ZP4: variants seen among roughly 807,000 people sequenced by gnomAD.
The protein encoded by ZP4 is zona pellucida glycoprotein 4, also known as zona pellucida sperm-binding protein 4.
ZP4 carries 62 observed loss-of-function variants against 62.3 expected under a neutral mutation model. The ratio of observed to expected loss-of-function variants is 0.99; its 90% CI spans 0.81 to 1.23. The LOEUF is 1.23. ZP4 is among the 50% of genes most tolerant of loss of function. The pLI is 0.00. For missense variants in ZP4, 774 were observed against 656.0 expected (o/e 1.18, Z -1.97); for synonymous variants, 289 against 247.3 (o/e 1.17, Z -1.58).
Position 237,884,001 on chromosome 1 carries a change from C to CAA in ZP4, c.1390+767_1390+768insTT, listed in dbSNP as rs1238466144. 1.5e-3 allele frequency among the ~76,000 whole-genome samples: 124 copies of CAA among 85,366 alleles called. 2 individuals carry two copies. The highest frequency in any genetic ancestry group is 5.2e-3 in the African/African-American group (103 of 19,702). 56.0% of individuals were successfully genotyped at this position (85,366 alleles called of 152,430 possible). A position where few individuals can be genotyped will look rare whatever the true frequency, so the allele number is the denominator to read the frequency against. ...ACACACAAACACACACACACACACA[C>CAA]ACACACACACACACAAACACACACA... On this transcript the variant is annotated intron_variant, in intron 10 of 11. Coordinates refer to ENST00000366570, the MANE Select transcript of ZP4 (RefSeq NM_021186.5).
chr1:237,882,486 G>C lies in ZP4; in HGVS notation c.1559C>G (p.Ala520Gly), dbSNP rs773579728. The change falls in exon 12 of 12, where the codon GCC (alanine) becomes GGC (glycine). Residue 520 changes from alanine to glycine, a missense_variant. Physicochemically the swap from Ala to Gly is moderately conservative, Grantham distance 60. Transcript: ENST00000366570. ...AGLSGTLILGALLVSYLAVKK... is the reference protein window; with the variant it reads ...AGLSGTLILGGLLVSYLAVKK... The stretch of plus-strand genomic sequence containing the variant: ...GACAGCCAAGTAGGATACTAACAAG[G>C]CTCCAAGGATTAAGGTCCCAGAAAG... 3.1e-6 allele frequency: 5 copies of C among 1,609,910 alleles called. No homozygotes were observed. In the South Asian group the frequency reaches 4.4e-5, roughly 14 times the overall value.
rs774784287 is a variant in ZP4, at chr1:237,887,565, A to T, written c.554-4T>A. 2 of 1,613,146 alleles carry T rather than the reference A, an allele frequency of 1.2e-6. No homozygotes were observed. The highest frequency in any genetic ancestry group is 2.2e-5 in the South Asian group (2 of 90,892). Reference sequence around the variant, plus strand: ...TCTCGGGTACAATGCAAGGTCACTGAAACAGAGCAGCTGTGCTGAAGGCAG... The same window carrying T: ...TCTCGGGTACAATGCAAGGTCACTGTAACAGAGCAGCTGTGCTGAAGGCAG... On this transcript the variant is annotated splice_polypyrimidine_tract_variant and splice_region_variant and intron_variant, in intron 4 of 11. Coordinates refer to ENST00000366570, the MANE Select transcript of ZP4 (RefSeq NM_021186.5).
Position 237,885,548 on chromosome 1 carries a change from C to A in ZP4, c.1003G>T (p.Asp335Tyr). ...KNYGSYYGVG[D>Y]YPVVKLLRDP... The stretch of plus-strand genomic sequence containing the variant: ...CGAAGCAACTTCACCACTGGGTAGT[C>A]ACCAACACCGTAGTAAGAGCCATAG... The change falls in exon 8 of 12, where the codon GAC becomes TAC. Residue 335 changes from aspartate (D) to tyrosine (Y), a missense_variant. By Grantham distance (160) the Asp-to-Tyr change is radical. Transcript: ENST00000366570. The A allele has an allele frequency of 6.2e-7, 1 of 1,614,046 alleles. No homozygotes were observed. Among genetic ancestry groups the A allele is most frequent in the Non-Finnish European group, 8.5e-7 (1 of 1,179,982 alleles).
At chr1:237,889,643 T>C (rs1665190272) in intron 3 of ZP4, among the ~76,000 whole-genome samples, 1 of 152,040 alleles carries the variant, frequency 6.6e-6, no homozygotes, top group Non-Finnish European at 1.5e-5. Flanking sequence ...TATGTTAGGG[T>C]TAGGGAAGGT....
At chr1:237,888,708 T>C (rs1665167794) in intron 3 of ZP4, among the ~76,000 whole-genome samples, 198 bp from the exon 4 acceptor site, 1 of 152,222 alleles carries the variant, frequency 6.6e-6, no homozygotes. Context: ...TTAAGTCACC[T>C]TGTAAGAGTG....
Position 237,886,809 on chromosome 1 carries a change from A to G in ZP4, c.801T>C (p.Asn267=), listed in dbSNP as rs1571933537. ...NELVATRDVK[N]GSRGSVTRDS... is the part of the protein sequence containing the mutation. ...CACGAGTGACAGAGCCACGGCTCCC[A>G]TTTTTCACATCCCTAGTTGCCACCA... The change falls in exon 6 of 12, where the codon AAT becomes AAC. Residue 267 remains asparagine (N), a synonymous_variant. Transcript: ENST00000366570. The G allele has an allele frequency of 4.3e-6, 7 of 1,613,834 alleles. No homozygotes were observed. Among genetic ancestry groups the G allele is most frequent in the Middle Eastern group, 1.6e-4 (1 of 6,080 alleles).
intron 10 of ZP4, among the ~76,000 whole-genome samples, chr1:237,883,999 C>CACACAA (rs1665019677): frequency 3.3e-4 from 28 of 85,070 alleles, no homozygotes; most frequent in African/African-American, 1.5e-3. Flanking sequence ...CACACACACA[C>CACACAA]ACACACACAC....
At chr1:237,886,406 C>T (rs1313535965) in intron 6 of ZP4, among the ~76,000 whole-genome samples, 1 of 151,108 alleles carries the variant, frequency 6.6e-6, no homozygotes, top group Non-Finnish European at 1.5e-5. Flanking sequence ...TTGTCCATGG[C>T]TTTAAGGTGT....
chr1:237,889,766 T>A lies in ZP4; in HGVS notation c.400+101A>T, dbSNP rs987586818. 7 of 983,224 alleles carry A rather than the reference T, an allele frequency of 7.1e-6. No homozygotes were observed. The African/African-American group carries it at 1.1e-4, about 16-fold the overall frequency. The allele number at this position is 983,224 out of a possible 1,614,324, so 60.9% of individuals were successfully genotyped here. On this transcript the variant is annotated intron_variant, in intron 3 of 11. Transcript: ENST00000366570. ...TGGGACATGATCCTTCCTTCATTAG[T>A]GTCAGGTGTCACTGCACAGAGCAGG... is the stretch of plus-strand genomic sequence containing the variant.
At chr1:237,888,060 C>T (rs184463530) in intron 4 of ZP4, among the ~76,000 whole-genome samples, 4 of 152,326 alleles carry the variant, frequency 2.6e-5, no homozygotes, top group East Asian at 1.9e-4. Flanking sequence ...CTAAACAATC[C>T]AAGACCATCA....
In ZP4 at chr1:237,890,048, TACTC is replaced by T. The variant is rs1411723149; in HGVS notation, c.297+3_297+6del. 2.2e-5 allele frequency: 35 copies of T among 1,614,140 alleles called. No individual in the cohort carries two copies. The highest frequency in any genetic ancestry group is 2.7e-5 in the Non-Finnish European group (32 of 1,180,024). Reference sequence around the variant, plus strand: ...CACAGTCTCCCTGGCCATTGGGTCATACTCACCCACTCAGTGACATAGCAGCTGC... The same window carrying T: ...CACAGTCTCCCTGGCCATTGGGTCATACCCACTCAGTGACATAGCAGCTGC... On this transcript the variant is annotated splice_donor_5th_base_variant and intron_variant, in intron 2 of 11. Transcript: ENST00000366570.
At position 237,886,831 on chromosome 1, in the gene ZP4, A is replaced by T; in HGVS notation, c.779T>A (p.Val260Glu). The T allele has an allele frequency of 6.2e-7, 1 of 1,614,082 alleles. No homozygotes were observed. Among genetic ancestry groups the T allele is most frequent in the Non-Finnish European group, 8.5e-7 (1 of 1,179,998 alleles). ...GDRAVYENELVATRDVKNGSR... is the reference protein window; with the variant it reads ...GDRAVYENELEATRDVKNGSR... Reference sequence around the variant, plus strand: ...CCCATTTTTCACATCCCTAGTTGCCACCAGTTCATTTTCATATACTGCTCG... The same window carrying T: ...CCCATTTTTCACATCCCTAGTTGCCTCCAGTTCATTTTCATATACTGCTCG... Residue 260 changes from valine (V) to glutamate (E), a missense_variant, in exon 6 of 12, where the codon GTG becomes GAG. Coordinates refer to ENST00000366570, the MANE Select transcript of ZP4 (RefSeq NM_021186.5).
chr1:237,888,625 G>GACACCT, intron 3 of ZP4, 115 bp from the exon 4 acceptor site: 1 of 998,278 alleles, frequency 1.0e-6, no homozygotes, highest in Non-Finnish European at 1.4e-6. Context: ...GATTGAAATA[G>GACACCT]GTGTCTACTC....
At chr1:237,885,069 AG>A (rs1252881933) in intron 9 of ZP4, 95 bp downstream of exon 9, 33 of 1,521,966 alleles carry the variant, frequency 2.2e-5, no homozygotes, top group Non-Finnish European at 2.9e-5. Context: ...CCAGCATTAA[AG>A]GGCTTCCTTG....
chr1:237,889,309 G>A (rs980279544), intron 3 of ZP4, among the ~76,000 whole-genome samples: 5 of 145,084 alleles, frequency 3.4e-5, no homozygotes, highest in South Asian at 2.1e-4. Context: ...GCAAGAGATA[G>A]GTTGTATTTT....
chr1:237,887,971 C>A (rs1475450072), intron 4 of ZP4, among the ~76,000 whole-genome samples: 7 of 152,212 alleles, frequency 4.6e-5, no homozygotes, highest in Admixed American at 2.6e-4. Context: ...TATACATACT[C>A]TGAGGTCAAG....
rs146687240 is a variant in ZP4 at position 237,887,310 on chromosome 1, C to T, written c.741+64G>A. 305 of 1,562,190 alleles carry T rather than the reference C, an allele frequency of 2.0e-4. No individual in the cohort carries two copies. In the African/African-American group the frequency reaches 3.8e-3, roughly 20 times the overall value. ...CACGGCCAACATATTTCAGCTCTCC[C>T]CCACTAGTCACTACAACCTTCCCAC... On this transcript the variant is annotated intron_variant, in intron 5 of 11. Transcript: ENST00000366570.
intron 1 of ZP4, 138 bp downstream of exon 1, chr1:237,890,316 GTTATAAC>G: frequency 3.3e-6 from 5 of 1,502,474 alleles, no homozygotes; most frequent in South Asian, 1.2e-5. Flanking sequence ...ATCAGATGTA[GTTATAAC>G]TTAGACTATT....
intron 4 of ZP4, 91 bp downstream of exon 4, chr1:237,888,267 G>C: frequency 7.3e-7 from 1 of 1,368,602 alleles, no homozygotes; most frequent in South Asian, 1.8e-5. Flanking sequence ...GCTATCACTT[G>C]ATGTTTGCCT....
Sources: gnomAD v4.1 joint callset for allele counts (sites outside exome capture counted in the v4.1 genomes callset) on GRCh38, gnomAD v4.1.1 for gene constraint, MANE v1.5 for transcripts, NCBI Gene and HGNC (gene_info 2026-07-23, HGNC 2026-07-21) for gene names.